Variants in PFKFB1 observed in about 807,000 individuals in gnomAD.
PFKFB1 encodes the protein 6-phosphofructo-2-kinase/fructose-2,6-biphosphatase 1.
PFKFB1 carries 34 observed loss-of-function variants against 46.4 expected under a neutral mutation model. The ratio of observed to expected loss-of-function variants is 0.73; its 90% CI spans 0.56 to 0.98. The LOEUF (loss-of-function observed/expected upper bound fraction) is 0.98. PFKFB1 is among the 50% of genes least tolerant of loss of function. The pLI, the probability that PFKFB1 is intolerant of heterozygous loss-of-function variation, is 0.00. For missense variants in PFKFB1, 393 were observed against 376.3 expected (o/e 1.04, Z -0.37); for synonymous variants, 119 against 133.8 (o/e 0.89, Z 0.76).
chrX:54,989,563 A>AATCGAGGTATATAGT (rs1481240002), intron 1 of PFKFB1, among the ~76,000 whole-genome samples: 5 of 112,172 alleles, frequency 4.5e-5, no homozygotes, highest in African/African-American at 1.6e-4. Context: ...GAGCCAGATT[A>AATCGAGGTATATAGT]ACAAACACAA....
At chrX:54,971,158 T>C (rs1376942369) in intron 1 of PFKFB1, among the ~76,000 whole-genome samples, 66 of 42,521 alleles carry the variant, frequency 1.6e-3, no homozygotes, top group African/African-American at 5.8e-3. Context: ...TCTGTTGATG[T>C]CCTTCACCCA....
chrX:54,951,362 C>T (rs1212298024), intron 8 of PFKFB1, among the ~76,000 whole-genome samples: 1 of 111,950 alleles, frequency 8.9e-6, no homozygotes, highest in Non-Finnish European at 1.9e-5. Flanking sequence ...GGAGCAGGTG[C>T]TGGGCCTTGG....
rs1210170958 is a variant in PFKFB1 at position 54,993,966 on chromosome X, C to T, written c.42G>A (p.Gln14=). Reference sequence around the variant, plus strand: ...CGCTGCTGTGTGGAATCCAGATCTTCTGCAACCTGGTTTGGGTGAGCTCTC... The same window carrying T: ...CGCTGCTGTGTGGAATCCAGATCTTTTGCAACCTGGTTTGGGTGAGCTCTC... The part of the protein sequence containing the change: ...EMGELTQTRL[Q]KIWIPHSSGS... Residue 14 remains glutamine (Q), a synonymous_variant, in exon 1 of 14, where the codon CAG becomes CAA. Coordinates refer to ENST00000375006, the MANE Select transcript of PFKFB1 (RefSeq NM_002625.4). 6 of 1,205,853 alleles carry T rather than the reference C, an allele frequency of 5.0e-6. No individual in the cohort carries two copies. Among genetic ancestry groups the T allele is most frequent in the Non-Finnish European group, 6.7e-6 (6 of 893,304 alleles).
rs1308796224 is a variant in PFKFB1, at chrX:54,959,879, G to A, written c.332C>T (p.Ala111Val). The change falls in exon 4 of 14, where the codon GCA becomes GTA. Residue 111 changes from alanine (A) to valine (V), a missense_variant. By Grantham distance (64) the Ala-to-Val change is moderately conservative. Coordinates refer to ENST00000375006, the MANE Select transcript of PFKFB1 (RefSeq NM_002625.4). ...ATAGTTGTGAACATCCTTCAGGGCT[G>A]CCAGGGCGCACTGCCTGAAATAGAC... is the stretch of plus-strand genomic sequence containing the variant. ...ALQIRKQCAL[A>V]ALKDVHNYLS... 4 of 1,200,616 alleles carry A rather than the reference G, an allele frequency of 3.3e-6. No homozygotes were observed. The highest frequency in any genetic ancestry group is 3.6e-5 in the South Asian group (2 of 56,137).
At chrX:54,945,026 G>A (rs1933758390) in intron 10 of PFKFB1, among the ~76,000 whole-genome samples, 1 of 112,084 alleles carries the variant, frequency 8.9e-6, no homozygotes, top group Non-Finnish European at 1.9e-5. Flanking sequence ...CAAAGAAGTT[G>A]ATTAAATTAT....
chrX:54,963,369 CTG>C lies in PFKFB1; in HGVS notation c.109_110del (p.Gln37ValfsTer37). On this transcript the variant is annotated frameshift_variant, in exon 2 of 14. Transcript: ENST00000375006. LOFTEE classifies it high-confidence loss of function. ...TCACCATTGTGGGGGAATTGGTAAA[CTG>C]GGGTATGGATGCTGAAAAATAAACA... The part of the protein sequence containing the change: ...LQRRRGSSIP[Q>X]FTNSPTMVIM... 4.1e-6 allele frequency: 5 copies of C among 1,210,407 alleles called. No individual in the cohort carries two copies. Among genetic ancestry groups the C allele is most frequent in the Non-Finnish European group, 2.2e-6 (2 of 894,411 alleles).
chrX:54,986,149 G>C (rs139726671), intron 1 of PFKFB1, among the ~76,000 whole-genome samples: 5,181 of 111,526 alleles, frequency 0.046, 311 homozygotes, highest in African/African-American at 0.16. Context: ...ACAGAAGATA[G>C]GTTTTAGACT....
rs772516242 is a variant in PFKFB1, at chrX:54,963,355, G to C, written c.125C>G (p.Pro42Arg). The C allele has an allele frequency of 2.5e-6, 3 of 1,210,020 alleles. No individual in the cohort carries two copies. The East Asian group carries it at 8.9e-5, about 36-fold the overall frequency. Reference protein sequence around the residue: ...GSSIPQFTNSPTMVIMVGLPA... With the variant: ...GSSIPQFTNSRTMVIMVGLPA... The stretch of plus-strand genomic sequence containing the variant: ...TAAACCCACCATGATCACCATTGTG[G>C]GGGAATTGGTAAACTGGGGTATGGA... The change falls in exon 2 of 14, where the codon CCC becomes CGC. Residue 42 changes from proline (P) to arginine (R), a missense_variant. Physicochemically the swap from Pro to Arg is moderately radical, Grantham distance 103. Coordinates refer to ENST00000375006, the MANE Select transcript of PFKFB1 (RefSeq NM_002625.4).
intron 1 of PFKFB1, among the ~76,000 whole-genome samples, chrX:54,965,434 T>C (rs1323816154): frequency 9.0e-6 from 1 of 111,461 alleles, no homozygotes; most frequent in East Asian, 2.8e-4. Flanking sequence ...AAGAAAAAAA[T>C]GCCAATCCAG....
chrX:54,959,190 A>G (rs1255628941), intron 4 of PFKFB1, among the ~76,000 whole-genome samples: 1 of 110,813 alleles, frequency 9.0e-6, no homozygotes, highest in Non-Finnish European at 1.9e-5. Flanking sequence ...GTCATTTTAT[A>G]GGTGAGGTAA....
At chrX:54,951,733 G>A (rs945866261) in intron 8 of PFKFB1, among the ~76,000 whole-genome samples, 172 bp downstream of exon 8, 85 of 112,349 alleles carry the variant, frequency 7.6e-4, no homozygotes, top group African/African-American at 2.7e-3. Flanking sequence ...GCCATTCGGC[G>A]GCTGGGTCCA....
chrX:54,989,479 A>G (rs1935186658), intron 1 of PFKFB1, among the ~76,000 whole-genome samples: 1 of 111,956 alleles, frequency 8.9e-6, no homozygotes, highest in African/African-American at 3.2e-5. Context: ...CAAGATTGAC[A>G]GAATTACAAG....
chrX:54,985,310 CCAAA>C lies in PFKFB1; in HGVS notation c.97+8597_97+8600del, dbSNP rs747159556. Among the ~76,000 whole-genome samples, 35 of 111,153 alleles carry C rather than the reference CCAAA, an allele frequency of 3.1e-4. 1 individual carries two copies. The highest frequency in any genetic ancestry group is 1.5e-3 in the Admixed American group (16 of 10,448). On this transcript the variant is annotated intron_variant, in intron 1 of 13. Coordinates refer to ENST00000375006, the MANE Select transcript of PFKFB1 (RefSeq NM_002625.4). ...GGGCAATGCATGCTTCAGGACACTG[CCAAA>C]CAAACAAACAAACAAAAAACAAAAA...
intron 6 of PFKFB1, 90 bp from the exon 7 acceptor site, chrX:54,956,364 G>A (rs991385250): frequency 5.5e-5 from 57 of 1,040,235 alleles, no homozygotes; most frequent in Middle Eastern, 3.0e-4. Context: ...TTGAGTACAA[G>A]ATGCCTCATT....
In PFKFB1 at chrX:54,992,493, C is replaced by T. The variant is rs759687861; in HGVS notation, c.97+1418G>A. Among the ~76,000 whole-genome samples, 183 of 111,693 alleles carry T rather than the reference C, an allele frequency of 1.6e-3. 1 individual carries two copies. Among genetic ancestry groups the T allele is most frequent in the African/African-American group, 5.7e-3 (174 of 30,726 alleles). ...GATAGAGCTGGAACTCAAACCTAGG[C>T]AGTCTGGATCCAGAACCTCTGAATC... On this transcript the variant is annotated intron_variant, in intron 1 of 13. Transcript: ENST00000375006.
At chrX:54,974,463 C>G (rs1362426259) in intron 1 of PFKFB1, among the ~76,000 whole-genome samples, 1 of 111,572 alleles carries the variant, frequency 9.0e-6, no homozygotes, top group African/African-American at 3.3e-5. Context: ...CAAGATGGAT[C>G]AAAGACCTAT....
intron 1 of PFKFB1, among the ~76,000 whole-genome samples, chrX:54,987,711 G>T (rs1310154894): frequency 1.8e-5 from 2 of 110,781 alleles, no homozygotes; most frequent in South Asian, 3.7e-4. Context: ...CACATCAATA[G>T]AATTAAGGAC....
At chrX:54,992,795 G>T (rs1458975410) in intron 1 of PFKFB1, among the ~76,000 whole-genome samples, 5 of 111,396 alleles carry the variant, frequency 4.5e-5, no homozygotes, top group Non-Finnish European at 7.5e-5. Context: ...GTGGCTGGCT[G>T]GGCGAGGGTA....
At chrX:54,945,702 G>A (rs1323323371) in intron 9 of PFKFB1, among the ~76,000 whole-genome samples, 159 bp from the exon 10 acceptor site, 6 of 99,433 alleles carry the variant, frequency 6.0e-5, no homozygotes, top group Admixed American at 2.3e-4. Context: ...GTGTGTATGC[G>A]TGTGTGTGTG....
Sources: allele counts gnomAD v4.1 joint callset (sites outside exome capture counted in the v4.1 genomes callset), GRCh38; gene constraint gnomAD v4.1.1; transcripts MANE v1.5; gene names NCBI Gene and HGNC (gene_info 2026-07-23, HGNC 2026-07-21).